FSTL5: variants seen among roughly 807,000 people sequenced by gnomAD.
FSTL5 encodes the protein follistatin like 5.
Under a neutral mutation model 89.1 loss-of-function variants are expected in FSTL5, and 62 were observed. That is an observed-to-expected ratio of 0.70 (90% confidence interval 0.57 to 0.86). The LOEUF (loss-of-function observed/expected upper bound fraction) is 0.86. Ranked by LOEUF, FSTL5 falls within the 40% of genes least tolerant of loss-of-function variation. The probability of loss-of-function intolerance (pLI) is 0.00; values close to 1 mark genes in which losing one functional copy is unlikely to be tolerated. For synonymous variants in FSTL5, 383 were observed against 346.2 expected (o/e 1.11, Z -1.18); for missense variants, 1,057 against 1,001.6 (o/e 1.06, Z -0.75).
At chr4:161,958,626 T>C (rs975348236) in intron 3 of FSTL5, among the ~76,000 whole-genome samples, 9 of 152,150 alleles carry the variant, frequency 5.9e-5, no homozygotes, top group Non-Finnish European at 1.2e-4. Context: ...TCTTGAATTA[T>C]GAAGTATTCT....
At chr4:161,793,613 A>ATTT (rs5863486) in intron 4 of FSTL5, among the ~76,000 whole-genome samples, 1 of 147,520 alleles carries the variant, frequency 6.8e-6, no homozygotes. Context: ...CCATGTTGTC[A>ATTT]TTTTTTTTTT....
chr4:161,691,919 G>A (rs934988651), intron 6 of FSTL5, among the ~76,000 whole-genome samples: 7 of 151,952 alleles, frequency 4.6e-5, no homozygotes, highest in African/African-American at 1.7e-4. Flanking sequence ...GTGTGTGTGA[G>A]TGTGCATTCT....
chr4:161,757,134 A>C (rs1466616293), intron 6 of FSTL5, among the ~76,000 whole-genome samples: 1 of 152,126 alleles, frequency 6.6e-6, no homozygotes, highest in Admixed American at 6.5e-5. Flanking sequence ...CAAGTATCTG[A>C]CTTTTTATTT....
chr4:161,766,765 T>C (rs1343014199), intron 5 of FSTL5, among the ~76,000 whole-genome samples: 1 of 152,200 alleles, frequency 6.6e-6, no homozygotes, highest in Non-Finnish European at 1.5e-5. Context: ...GTAAGAAAGG[T>C]GTAGACAACG....
intron 4 of FSTL5, among the ~76,000 whole-genome samples, chr4:161,881,351 T>G (rs1732625202): frequency 6.6e-6 from 1 of 151,926 alleles, no homozygotes; most frequent in Admixed American, 6.6e-5. Context: ...GTTGTATCAA[T>G]GAACTTCAGG....
rs1729580996 is a variant in FSTL5, at chr4:162,070,639, T to C, written c.127-36981A>G. Among the ~76,000 whole-genome samples, 3 of 151,950 alleles carry C rather than the reference T, an allele frequency of 2.0e-5. No individual in the cohort carries two copies. In the South Asian group the frequency reaches 6.2e-4, roughly 31 times the overall value. On this transcript the variant is annotated intron_variant, in intron 2 of 15. Coordinates refer to ENST00000306100, the MANE Select transcript of FSTL5 (RefSeq NM_020116.5). ...TCTCCAATGTATATTCTTGGCACCT[T>C]TGTGGAAAATCAGCTGCCTGAAAAT...
chr4:161,969,798 C>A (rs1208898389), intron 3 of FSTL5, among the ~76,000 whole-genome samples: 1 of 151,564 alleles, frequency 6.6e-6, no homozygotes. Flanking sequence ...CAATTTGTGA[C>A]CCCAATCTTT....
At chr4:162,090,451 A>C (rs79421860) in intron 2 of FSTL5, among the ~76,000 whole-genome samples, 1 of 152,062 alleles carries the variant, frequency 6.6e-6, no homozygotes, top group Non-Finnish European at 1.5e-5. Context: ...ATTTCTCAAA[A>C]AAAGACGTGG....
At chr4:162,060,138 A>T (rs1738674909) in intron 2 of FSTL5, among the ~76,000 whole-genome samples, 1 of 152,148 alleles carries the variant, frequency 6.6e-6, no homozygotes, top group Non-Finnish European at 1.5e-5. Context: ...TTTATTTGGG[A>T]TTAAATTAGT....
chr4:161,474,636 C>T (rs1361509904), intron 13 of FSTL5, among the ~76,000 whole-genome samples: 1 of 151,244 alleles, frequency 6.6e-6, no homozygotes, highest in Non-Finnish European at 1.5e-5. Context: ...ACCTCTGCCT[C>T]CCAGGTTCAA....
intron 15 of FSTL5, among the ~76,000 whole-genome samples, chr4:161,407,931 G>A (rs975883116): frequency 7.2e-5 from 11 of 152,180 alleles, no homozygotes; most frequent in African/African-American, 2.2e-4. Context: ...GGGTAAACAT[G>A]AGGAGGTCCT....
intron 4 of FSTL5, among the ~76,000 whole-genome samples, chr4:161,898,212 T>C (rs1394704770): frequency 2.0e-5 from 3 of 150,812 alleles, no homozygotes; most frequent in Non-Finnish European, 4.4e-5. Flanking sequence ...TATCACACAG[T>C]ATATTTATAT....
At chr4:161,954,176 T>G (rs995927390) in intron 3 of FSTL5, among the ~76,000 whole-genome samples, 1 of 151,600 alleles carries the variant, frequency 6.6e-6, no homozygotes, top group Non-Finnish European at 1.5e-5. Flanking sequence ...TTTAAATCAC[T>G]AAGGGACAGA....
intron 6 of FSTL5, among the ~76,000 whole-genome samples, chr4:161,693,197 G>T (rs1738012448): frequency 6.6e-6 from 1 of 152,068 alleles, no homozygotes; most frequent in Admixed American, 6.5e-5. Flanking sequence ...TGTTGAATTT[G>T]GTTAGCTACC....
intron 15 of FSTL5, among the ~76,000 whole-genome samples, chr4:161,447,229 A>C (rs779765252): frequency 1.5e-4 from 23 of 152,094 alleles, no homozygotes; most frequent in Non-Finnish European, 3.1e-4. Flanking sequence ...GAGTCTGTTT[A>C]GTGTCTTTAT....
intron 1 of FSTL5, among the ~76,000 whole-genome samples, chr4:162,129,746 TTCTG>T (rs1343699911): frequency 3.9e-5 from 6 of 152,256 alleles, no homozygotes; most frequent in Non-Finnish European, 8.8e-5. Context: ...AACAATTTTA[TTCTG>T]TCTGTTTTAT....
chr4:161,882,620 T>C (rs1053058165), intron 4 of FSTL5, among the ~76,000 whole-genome samples: 28 of 152,012 alleles, frequency 1.8e-4, no homozygotes, highest in Non-Finnish European at 3.2e-4. Flanking sequence ...TAAGGAAAAA[T>C]AAAAACTTCA....
intron 3 of FSTL5, among the ~76,000 whole-genome samples, chr4:161,984,198 AC>A (rs1735902672): frequency 6.6e-6 from 1 of 151,956 alleles, no homozygotes; most frequent in African/African-American, 2.4e-5. Flanking sequence ...GTTTCTCTAT[AC>A]TTTTTTATTT....
At chr4:162,045,561 T>C (rs929621590) in intron 2 of FSTL5, among the ~76,000 whole-genome samples, 3 of 152,130 alleles carry the variant, frequency 2.0e-5, no homozygotes, top group Non-Finnish European at 4.4e-5. Context: ...CTAGAACAGA[T>C]ATAATAATAA....
Sources: allele counts gnomAD v4.1 joint callset (sites outside exome capture counted in the v4.1 genomes callset), GRCh38; gene constraint gnomAD v4.1.1; transcripts MANE v1.5; gene names NCBI Gene and HGNC (gene_info 2026-07-23, HGNC 2026-07-21).